PTPRD: variants seen among roughly 807,000 people sequenced by gnomAD.
PTPRD encodes protein tyrosine phosphatase receptor type D.
PTPRD carries 34 observed loss-of-function variants against 214.5 expected under a neutral mutation model. That is an observed-to-expected ratio of 0.16 (90% CI 0.12 to 0.21). The LOEUF (loss-of-function observed/expected upper bound fraction) is 0.21. Ranked by LOEUF, PTPRD falls within the 10% of genes least tolerant of loss-of-function variation. PTPRD has a pLI of 1.00. For missense variants in PTPRD, 2,545 were observed against 2,398.7 expected, an observed-to-expected ratio of 1.06 and a Z score of -1.27; for synonymous variants, 1,128 against 845.7, an observed-to-expected ratio of 1.33 and a Z score of -5.79.
chr9:8,836,587 CTTTTTTTTTTTT>C (rs34572407), intron 11 of PTPRD, among the ~76,000 whole-genome samples: 27 of 66,814 alleles, frequency 4.0e-4, no homozygotes, highest in South Asian at 6.6e-4. Context: ...TAATAAAAAC[CTTTTTTTTTTTT>C]TTTTTTTTTT....
intron 2 of PTPRD, among the ~76,000 whole-genome samples, chr9:10,434,893 A>G (rs1237297448): frequency 6.6e-6 from 1 of 151,790 alleles, no homozygotes; most frequent in Admixed American, 6.6e-5. Context: ...TGCCCTTTGC[A>G]CTTCTTTAGT....
At chr9:8,492,688 T>TC (rs1309355995) in intron 27 of PTPRD, among the ~76,000 whole-genome samples, 174 bp downstream of exon 27, 12 of 143,602 alleles carry the variant, frequency 8.4e-5, no homozygotes, top group Non-Finnish European at 1.7e-4. Context: ...CTTGGACTAT[T>TC]TTTTTCCCTG....
intron 3 of PTPRD, among the ~76,000 whole-genome samples, chr9:10,338,169 T>A (rs950215953): frequency 2.7e-4 from 41 of 151,606 alleles, no homozygotes; most frequent in African/African-American, 9.4e-4. Context: ...AAAGTTATGT[T>A]AGGAAACAGT....
At chr9:10,044,757 A>T (rs1051297391) in intron 3 of PTPRD, among the ~76,000 whole-genome samples, 1 of 151,726 alleles carries the variant, frequency 6.6e-6, no homozygotes, top group African/African-American at 2.4e-5. Context: ...TAAAATTGTT[A>T]TTATTATAAT....
intron 43 of PTPRD, among the ~76,000 whole-genome samples, chr9:8,334,305 AAAAG>A (rs1844497589): frequency 1.3e-5 from 2 of 152,086 alleles, no homozygotes; most frequent in Admixed American, 1.3e-4. Flanking sequence ...CAGCAAATGC[AAAAG>A]AAAGAATGGA....
At chr9:10,369,893 T>C (rs543176788) in intron 2 of PTPRD, among the ~76,000 whole-genome samples, 1 of 152,142 alleles carries the variant, frequency 6.6e-6, no homozygotes, top group East Asian at 1.9e-4. Flanking sequence ...AAACATAGTG[T>C]CAAAAAAAGA....
At chr9:9,455,520 A>G (rs2092866131) in intron 8 of PTPRD, among the ~76,000 whole-genome samples, 1 of 151,658 alleles carries the variant, frequency 6.6e-6, no homozygotes, top group African/African-American at 2.4e-5. Context: ...CAGCTACTCT[A>G]AAAGTCTGGA....
chr9:9,936,080 A>G (rs1345276289), intron 5 of PTPRD, among the ~76,000 whole-genome samples: 1 of 147,246 alleles, frequency 6.8e-6, no homozygotes, highest in African/African-American at 2.7e-5. Flanking sequence ...AATCAATTCA[A>G]GATGGATTAA....
intron 9 of PTPRD, among the ~76,000 whole-genome samples, chr9:9,245,513 G>A (rs1401002523): frequency 6.6e-6 from 1 of 151,766 alleles, no homozygotes; most frequent in Admixed American, 6.6e-5. Context: ...GCAAACTATT[G>A]CAAGGACAAA....
chr9:8,539,072 T>A (rs1409295020), intron 14 of PTPRD, among the ~76,000 whole-genome samples: 1 of 152,018 alleles, frequency 6.6e-6, no homozygotes, highest in Admixed American at 6.6e-5. Context: ...GGGGCTCTTA[T>A]TGACCAAATA....
At chr9:9,334,947 G>C (rs965780616) in intron 9 of PTPRD, among the ~76,000 whole-genome samples, 7 of 151,814 alleles carry the variant, frequency 4.6e-5, no homozygotes, top group Non-Finnish European at 8.8e-5. Context: ...ACCTTATGAA[G>C]GTAGAGTAAT....
At chr9:10,007,878 T>G (rs2096521485) in intron 4 of PTPRD, among the ~76,000 whole-genome samples, 1 of 152,020 alleles carries the variant, frequency 6.6e-6, no homozygotes. Context: ...TTAGTAAAAT[T>G]TAGGTTATTC....
intron 7 of PTPRD, among the ~76,000 whole-genome samples, chr9:9,673,215 T>G (rs2096863718): frequency 6.6e-6 from 1 of 151,968 alleles, no homozygotes; most frequent in Non-Finnish European, 1.5e-5. Context: ...AGCCCAATTG[T>G]TTATGTGTTG....
At chr9:8,720,285 G>A (rs748411540) in intron 12 of PTPRD, among the ~76,000 whole-genome samples, 26 of 152,194 alleles carry the variant, frequency 1.7e-4, no homozygotes, top group Non-Finnish European at 2.1e-4. Flanking sequence ...GGGCAGTTGA[G>A]CATCTTGCTA....
At chr9:10,439,528 G>T (rs939315862) in intron 2 of PTPRD, among the ~76,000 whole-genome samples, 2 of 151,530 alleles carry the variant, frequency 1.3e-5, no homozygotes, top group African/African-American at 4.8e-5. Flanking sequence ...TAAGGGTGAA[G>T]AACAGAATGA....
intron 43 of PTPRD, among the ~76,000 whole-genome samples, chr9:8,332,543 G>GA (rs34969664): frequency 6.6e-6 from 1 of 151,866 alleles, no homozygotes; most frequent in Non-Finnish European, 1.5e-5. Context: ...CCAAAAGGTA[G>GA]AAAAAAAAGC....
intron 39 of PTPRD, among the ~76,000 whole-genome samples, chr9:8,348,863 C>A (rs2074604629): frequency 6.6e-6 from 1 of 152,132 alleles, no homozygotes; most frequent in Non-Finnish European, 1.5e-5. Context: ...CCTCCTTGGA[C>A]TCTTTTGACA....
chr9:9,903,869 C>A (rs1158428096), intron 5 of PTPRD, among the ~76,000 whole-genome samples: 1 of 152,110 alleles, frequency 6.6e-6, no homozygotes, highest in Non-Finnish European at 1.5e-5. Context: ...TTCTAAGTTA[C>A]ATTTGACCAT....
rs73640950 is a variant in PTPRD at position 8,781,527 on chromosome 9, T to C, written c.-103-47581A>G. ...AAAGTAAGAGTACAACTCATTAGTA[T>C]AGGAAAACAGGAAAAAAGCATTATC... is the stretch of plus-strand genomic sequence containing the variant. On this transcript the variant is annotated intron_variant, in intron 11 of 45. Coordinates refer to ENST00000381196, the MANE Select transcript of PTPRD (RefSeq NM_002839.4). 1.5e-3 allele frequency among the ~76,000 whole-genome samples: 234 copies of C among 152,256 alleles called. 1 individual carries two copies. The highest frequency in any genetic ancestry group is 4.8e-3 in the African/African-American group (200 of 41,554).
Sources: allele counts gnomAD v4.1 joint callset (sites outside exome capture counted in the v4.1 genomes callset), GRCh38; gene constraint gnomAD v4.1.1; transcripts MANE v1.5; gene names NCBI Gene and HGNC (gene_info 2026-07-23, HGNC 2026-07-21).